The following ASTN1 variants were observed in gnomAD, a reference collection of about 807,000 sequenced individuals.
The protein encoded by ASTN1 is astrotactin 1, also known as astrotactin-1.
ASTN1 carries 41 observed loss-of-function variants against 140.7 expected under a neutral mutation model. The observed-to-expected ratio is 0.29, with a 90% confidence interval of 0.23 to 0.38. The LOEUF (loss-of-function observed/expected upper bound fraction) is 0.38, where lower values mean the gene tolerates loss of function less well. Ranked by LOEUF, ASTN1 falls within the 10% of genes least tolerant of loss-of-function variation. The pLI is 1.00. For synonymous variants in ASTN1, 640 were observed against 652.2 expected, an observed-to-expected ratio of 0.98 and a Z score of 0.29; for missense variants, 1,479 against 1,678.8, an observed-to-expected ratio of 0.88 and a Z score of 2.08.
chr1:177,115,741 G>A (rs1273556568), intron 1 of ASTN1, among the ~76,000 whole-genome samples: 3 of 151,964 alleles, frequency 2.0e-5, no homozygotes, highest in Non-Finnish European at 2.9e-5. Flanking sequence ...AACTTGGCAA[G>A]TATATAAAAA....
At chr1:177,082,889 A>G (rs1470263490) in intron 1 of ASTN1, among the ~76,000 whole-genome samples, 1 of 152,096 alleles carries the variant, frequency 6.6e-6, no homozygotes, top group East Asian at 1.9e-4. Context: ...TTGTCATTTT[A>G]CCCACTCATT....
chr1:177,065,931 T>C (rs775897158), intron 1 of ASTN1, among the ~76,000 whole-genome samples: 1 of 152,174 alleles, frequency 6.6e-6, no homozygotes, highest in Non-Finnish European at 1.5e-5. Flanking sequence ...AAACAGTGAG[T>C]TGAGGTGGAG....
At chr1:177,093,827 T>C (rs1679891475) in intron 1 of ASTN1, among the ~76,000 whole-genome samples, 1 of 152,212 alleles carries the variant, frequency 6.6e-6, no homozygotes, top group Non-Finnish European at 1.5e-5. Context: ...AAAAATTCAG[T>C]TGTTCTCTTA....
chr1:177,147,819 T>C (rs1682785157), intron 1 of ASTN1, among the ~76,000 whole-genome samples: 1 of 152,140 alleles, frequency 6.6e-6, no homozygotes, highest in Non-Finnish European at 1.5e-5. Flanking sequence ...TGCCAAAAAG[T>C]AGCAAGGAGT....
intron 2 of ASTN1, among the ~76,000 whole-genome samples, chr1:177,057,355 T>C (rs1228514272): frequency 6.6e-6 from 1 of 152,212 alleles, no homozygotes; most frequent in Non-Finnish European, 1.5e-5. Context: ...TACAATGCCA[T>C]AAGGGTCCAA....
intron 1 of ASTN1, among the ~76,000 whole-genome samples, chr1:177,103,341 G>A (rs559300335): frequency 6.6e-6 from 1 of 152,290 alleles, no homozygotes; most frequent in Non-Finnish European, 1.5e-5. Flanking sequence ...TGCCAGGCTA[G>A]AGGAGATCTA....
chr1:177,148,665 T>G (rs1369774158), intron 1 of ASTN1, among the ~76,000 whole-genome samples: 1 of 151,564 alleles, frequency 6.6e-6, no homozygotes, highest in Non-Finnish European at 1.5e-5. Context: ...TTTTTTTCAG[T>G]TTTACAAGTT....
chr1:177,013,114 C>T (rs941630234), intron 8 of ASTN1, among the ~76,000 whole-genome samples: 5 of 152,144 alleles, frequency 3.3e-5, no homozygotes, highest in Admixed American at 6.5e-5. Context: ...GCCCTTCTCC[C>T]CAATCTTTCA....
chr1:176,999,820 T>C (rs970519993), intron 8 of ASTN1, among the ~76,000 whole-genome samples: 7 of 152,142 alleles, frequency 4.6e-5, no homozygotes, highest in Non-Finnish European at 7.4e-5. Flanking sequence ...GTCTGGCATT[T>C]CCCCTGCTGG....
chr1:176,969,661 T>C (rs1673050495), intron 8 of ASTN1, among the ~76,000 whole-genome samples: 1 of 152,090 alleles, frequency 6.6e-6, no homozygotes, highest in African/African-American at 2.4e-5. Flanking sequence ...AGCCCATGGA[T>C]GGTGTCAGGT....
intron 8 of ASTN1, among the ~76,000 whole-genome samples, chr1:177,014,005 C>T (rs948790662): frequency 2.7e-5 from 4 of 150,828 alleles, no homozygotes; most frequent in African/African-American, 9.8e-5. Context: ...ATGATCATGC[C>T]ACTACACTCC....
At chr1:177,039,450 G>T (rs1420455739) in intron 2 of ASTN1, among the ~76,000 whole-genome samples, 1 of 152,168 alleles carries the variant, frequency 6.6e-6, no homozygotes, top group Non-Finnish European at 1.5e-5. Flanking sequence ...AACAAGAACA[G>T]AAAACTGTGC....
At chr1:176,871,241 C>G (rs1209327721) in intron 21 of ASTN1, among the ~76,000 whole-genome samples, 2 of 152,104 alleles carry the variant, frequency 1.3e-5, no homozygotes, top group Non-Finnish European at 2.9e-5. Flanking sequence ...GGCCAAGGGA[C>G]TCTTCTAAGA....
At chr1:176,964,481 C>A (rs1672790789) in intron 9 of ASTN1, among the ~76,000 whole-genome samples, 1 of 152,158 alleles carries the variant, frequency 6.6e-6, no homozygotes, top group Non-Finnish European at 1.5e-5. Context: ...TAAACTGTTT[C>A]AGCTAAGGCC....
chr1:176,926,787 G>A (rs1028317), intron 16 of ASTN1, among the ~76,000 whole-genome samples: 17,916 of 152,178 alleles, frequency 0.12, 1,343 homozygotes, highest in Admixed American at 0.18. Flanking sequence ...ACTCTTCATT[G>A]GATTTCTATA....
At chr1:176,985,841 TCTCTACAC>T (rs1673868065) in intron 8 of ASTN1, among the ~76,000 whole-genome samples, 1 of 142,304 alleles carries the variant, frequency 7.0e-6, no homozygotes, top group East Asian at 2.2e-4. Flanking sequence ...TCTCTCTCTC[TCTCTACAC>T]ACACACACAC....
At chr1:176,988,777 T>C (rs1224963093) in intron 8 of ASTN1, among the ~76,000 whole-genome samples, 1 of 152,200 alleles carries the variant, frequency 6.6e-6, no homozygotes, top group Non-Finnish European at 1.5e-5. Flanking sequence ...AGGTCATGGC[T>C]ATAAGTACAG....
intron 2 of ASTN1, among the ~76,000 whole-genome samples, chr1:177,048,462 G>C (rs1012041197): frequency 6.6e-6 from 1 of 152,138 alleles, no homozygotes; most frequent in Non-Finnish European, 1.5e-5. Context: ...CCTGGGAATG[G>C]GGCAACTGAA....
At chr1:177,088,442 T>C (rs1679580484) in intron 1 of ASTN1, among the ~76,000 whole-genome samples, 1 of 152,120 alleles carries the variant, frequency 6.6e-6, no homozygotes, top group Non-Finnish European at 1.5e-5. Flanking sequence ...GGGGTTGAAA[T>C]AGCCCTGACA....
Sources: gnomAD v4.1 joint callset for allele counts (sites outside exome capture counted in the v4.1 genomes callset) on GRCh38, gnomAD v4.1.1 for gene constraint, MANE v1.5 for transcripts, NCBI Gene and HGNC (gene_info 2026-07-23, HGNC 2026-07-21) for gene names.